The following CSMD1 variants were observed in gnomAD, a reference collection of about 807,000 sequenced individuals.
CSMD1 encodes CUB and sushi domain-containing protein 1.
In CSMD1, 213 loss-of-function variants were observed where a neutral mutation model predicts 417.5. The observed-to-expected ratio is 0.51, with a 90% confidence interval of 0.46 to 0.57. CSMD1 has a LOEUF of 0.57. Among genes scored for constraint, CSMD1 ranks in the 20% least tolerant of loss-of-function variants. CSMD1 has a pLI of 0.00. For synonymous variants in CSMD1, 2,862 were observed against 1,736.8 expected, an observed-to-expected ratio of 1.65 and a Z score of -16.11; for missense variants, 6,923 against 4,529.7, an observed-to-expected ratio of 1.53 and a Z score of -15.17.
chr8:4,364,111 T>G (rs1229159617), intron 3 of CSMD1, among the ~76,000 whole-genome samples: 1 of 152,216 alleles, frequency 6.6e-6, no homozygotes, highest in Non-Finnish European at 1.5e-5. Context: ...CCCCATCATG[T>G]CTTTATTATG....
chr8:3,085,883 C>A (rs887375136), intron 49 of CSMD1, among the ~76,000 whole-genome samples: 2 of 152,176 alleles, frequency 1.3e-5, no homozygotes, highest in Non-Finnish European at 2.9e-5. Context: ...CTCCGGACCC[C>A]TTTGTGCTTA....
At chr8:4,927,053 G>GA (rs201489992) in intron 1 of CSMD1, among the ~76,000 whole-genome samples, 3 of 150,590 alleles carry the variant, frequency 2.0e-5, no homozygotes, top group South Asian at 2.1e-4. Context: ...TCCTTTTAAT[G>GA]AAAAAAATAG....
chr8:4,120,613 G>C (rs928319945), intron 3 of CSMD1, among the ~76,000 whole-genome samples: 1 of 152,160 alleles, frequency 6.6e-6, no homozygotes, highest in African/African-American at 2.4e-5. Flanking sequence ...GTGCCAAATA[G>C]ACAGTCTGTG....
At chr8:3,577,206 T>C (rs1201570470) in intron 9 of CSMD1, among the ~76,000 whole-genome samples, 1 of 151,818 alleles carries the variant, frequency 6.6e-6, no homozygotes, top group African/African-American at 2.4e-5. Context: ...CTTATGAAAA[T>C]TGGCTACCAG....
intron 5 of CSMD1, among the ~76,000 whole-genome samples, chr8:3,827,300 G>C (rs1025314030): frequency 2.0e-5 from 3 of 152,150 alleles, no homozygotes; most frequent in Admixed American, 6.5e-5. Flanking sequence ...CATGTGGTTA[G>C]AGTCAAAGGC....
At chr8:4,177,000 T>A (rs973633878) in intron 3 of CSMD1, among the ~76,000 whole-genome samples, 1 of 151,980 alleles carries the variant, frequency 6.6e-6, no homozygotes, top group Non-Finnish European at 1.5e-5. Flanking sequence ...AACACCCCAC[T>A]GTCAACATTA....
At chr8:4,511,225 C>T (rs1802802063) in intron 2 of CSMD1, among the ~76,000 whole-genome samples, 1 of 151,988 alleles carries the variant, frequency 6.6e-6, no homozygotes, top group African/African-American at 2.4e-5. Flanking sequence ...TAACCTGTCC[C>T]AAAAGAAAGT....
chr8:4,668,537 C>T (rs1481882541), intron 1 of CSMD1, among the ~76,000 whole-genome samples: 2 of 151,306 alleles, frequency 1.3e-5, no homozygotes, highest in Non-Finnish European at 2.9e-5. Flanking sequence ...GCAAGCTCCG[C>T]CTCCCTGGTT....
At chr8:4,447,977 C>A (rs139351359) in intron 2 of CSMD1, among the ~76,000 whole-genome samples, 308 of 152,232 alleles carry the variant, frequency 2.0e-3, no homozygotes, top group African/African-American at 6.7e-3. Context: ...TACCAAAAAG[C>A]CTCTTGGAAA....
At chr8:3,296,613 G>C (rs999296455) in intron 25 of CSMD1, among the ~76,000 whole-genome samples, 3 of 152,174 alleles carry the variant, frequency 2.0e-5, no homozygotes, top group African/African-American at 7.2e-5. Context: ...AGTAATCCAA[G>C]AAAGTGGCGT....
chr8:4,288,265 C>A (rs1268847222), intron 3 of CSMD1, among the ~76,000 whole-genome samples: 1 of 152,130 alleles, frequency 6.6e-6, no homozygotes, highest in Non-Finnish European at 1.5e-5. Flanking sequence ...TGACATGCCC[C>A]CACTGGGAAC....
At chr8:3,995,981 T>A (rs1430687334) in intron 5 of CSMD1, among the ~76,000 whole-genome samples, 1 of 152,108 alleles carries the variant, frequency 6.6e-6, no homozygotes, top group Non-Finnish European at 1.5e-5. Context: ...ACAGTGGTAG[T>A]CTCTCTGGCT....
At chr8:4,200,300 A>G (rs2131251374) in intron 3 of CSMD1, among the ~76,000 whole-genome samples, 1 of 152,288 alleles carries the variant, frequency 6.6e-6, no homozygotes, top group Non-Finnish European at 1.5e-5. Flanking sequence ...TTTGTTAATT[A>G]TGCTTAGAGT....
chr8:3,155,903 A>G (rs903546073), intron 39 of CSMD1, among the ~76,000 whole-genome samples: 1 of 152,154 alleles, frequency 6.6e-6, no homozygotes, highest in African/African-American at 2.4e-5. Context: ...GTGCAGTTTT[A>G]TTTTCCTCTG....
intron 3 of CSMD1, among the ~76,000 whole-genome samples, chr8:4,136,005 C>G (rs1366575286): frequency 5.9e-5 from 9 of 151,880 alleles, no homozygotes; most frequent in African/African-American, 1.7e-4. Flanking sequence ...AAATTGAATT[C>G]AATTTCAAAA....
chr8:3,879,738 C>T (rs1353481010), intron 5 of CSMD1, among the ~76,000 whole-genome samples: 2 of 152,080 alleles, frequency 1.3e-5, no homozygotes, highest in East Asian at 1.9e-4. Context: ...AAAAGTGTTG[C>T]ATGTGGACTA....
intron 10 of CSMD1, among the ~76,000 whole-genome samples, chr8:3,500,055 TG>T (rs1796532923): frequency 1.3e-5 from 2 of 152,076 alleles, no homozygotes; most frequent in South Asian, 4.1e-4. Context: ...TGTGACCTGC[TG>T]GGGATCTCCC....
intron 1 of CSMD1, among the ~76,000 whole-genome samples, chr8:4,790,540 A>T (rs749091286): frequency 4.6e-5 from 7 of 152,218 alleles, no homozygotes; most frequent in Non-Finnish European, 1.0e-4. Flanking sequence ...CCTAAGCAAG[A>T]ATAACAAAGC....
intron 3 of CSMD1, among the ~76,000 whole-genome samples, chr8:4,412,309 G>C (rs1342983326): frequency 1.3e-5 from 2 of 152,046 alleles, no homozygotes; most frequent in Non-Finnish European, 2.9e-5. Flanking sequence ...TGCTCTCCTG[G>C]ACACAGCGCA....
Sources: allele counts gnomAD v4.1 joint callset (sites outside exome capture counted in the v4.1 genomes callset), GRCh38; gene constraint gnomAD v4.1.1; transcripts MANE v1.5; gene names NCBI Gene and HGNC (gene_info 2026-07-23, HGNC 2026-07-21).